The following COL6A3 variants were observed in gnomAD, a reference collection of about 807,000 sequenced individuals.
The protein encoded by COL6A3 is collagen type VI alpha 3 chain, also known as collagen alpha-3(VI) chain.
In COL6A3, 137 loss-of-function variants were observed where a neutral mutation model predicts 274.1. The ratio of observed to expected loss-of-function variants is 0.50; its 90% CI spans 0.44 to 0.58. The LOEUF is 0.58. COL6A3 is among the 20% of genes least tolerant of loss of function. COL6A3 has a pLI of 0.00. For synonymous variants in COL6A3, 1,650 were observed against 1,650.6 expected (o/e 1.00, Z 0.01); for missense variants, 3,950 against 4,124.9 (o/e 0.96, Z 1.16).
chr2:237,366,052 C>A lies in COL6A3; in HGVS notation c.5501-17G>T, dbSNP rs200723656. ...GATTACAAGCTGGAAAGGAGAAATG[C>A]AGGTGATGAGTTCTCAGCTGGGGCT... On this transcript the variant is annotated splice_polypyrimidine_tract_variant and intron_variant, in intron 11 of 43. Coordinates refer to ENST00000295550, the MANE Select transcript of COL6A3 (RefSeq NM_004369.4). 1 of 1,609,782 alleles carries A rather than the reference C, an allele frequency of 6.2e-7. No individual in the cohort carries two copies. Among genetic ancestry groups the A allele is most frequent in the Admixed American group, 1.7e-5 (1 of 60,010 alleles).
rs1191236212 is a variant in COL6A3 at position 237,344,419 on chromosome 2, G to C, written c.7599C>G (p.Leu2533=). The change falls in exon 36 of 44, where the codon CTC becomes CTG. Residue 2533 remains leucine, a synonymous_variant. Coordinates refer to ENST00000295550, the MANE Select transcript of COL6A3 (RefSeq NM_004369.4). The surrounding 1 kb of genome is among the most constrained non-coding windows in gnomAD (Gnocchi z 4.8). Reference sequence around the variant, plus strand: ...ACAAGGGGGTGATCCCCGCATCTGAGAGCTTGAGCACAGCCTCTCTGAGCT... The same window carrying C: ...ACAAGGGGGTGATCCCCGCATCTGACAGCTTGAGCACAGCCTCTCTGAGCT... The part of the protein sequence containing the change: ...SPQLREAVLK[L]SDAGITPLFL... The C allele has an allele frequency of 6.2e-7, 1 of 1,614,174 alleles. No individual in the cohort carries two copies. The highest frequency in any genetic ancestry group is 1.7e-5 in the Admixed American group (1 of 60,016).
rs13403733 is a variant in COL6A3 at position 237,332,688 on chromosome 2, A to G, written c.9328+762T>C. ...AAAACAGTATTATATCTAAATTCCC[A>G]TGGCATTTCCATTTTTTATGTTAGT... On this transcript the variant is annotated intron_variant, in intron 42 of 43. Transcript: ENST00000295550. Among the ~76,000 whole-genome samples the G allele has an allele frequency of 5.6e-3, 859 of 152,324 alleles. 8 individuals carry two copies. Among genetic ancestry groups the G allele is most frequent in the African/African-American group, 0.02 (836 of 41,576 alleles).
chr2:237,390,200 A>C (rs746716036), intron 3 of COL6A3, among the ~76,000 whole-genome samples: 169 of 152,212 alleles, frequency 1.1e-3, no homozygotes, highest in Non-Finnish European at 3.5e-4. Flanking sequence ...GGATAACACT[A>C]TTTCTTCTCC....
intron 7 of COL6A3, among the ~76,000 whole-genome samples, chr2:237,375,264 G>T (rs1251982646): frequency 5.3e-5 from 8 of 152,204 alleles, no homozygotes; most frequent in Admixed American, 3.3e-4. Flanking sequence ...GAGGGTCAGA[G>T]TTAGAGAGAA....
In COL6A3 at chr2:237,377,183, C is replaced by G; in HGVS notation, c.2659G>C (p.Glu887Gln). 1 of 1,614,166 alleles carries G rather than the reference C, an allele frequency of 6.2e-7. No individual in the cohort carries two copies. The highest frequency in any genetic ancestry group is 8.5e-7 in the Non-Finnish European group (1 of 1,180,028). ...VAQYSDDVKV[E>Q]SRFDEHQSKP... Reference sequence around the variant, plus strand: ...CTCTGGTGCTCATCAAAACGGGACTCCACCTTGACATCATCGCTGTACTGA... The same window carrying G: ...CTCTGGTGCTCATCAAAACGGGACTGCACCTTGACATCATCGCTGTACTGA... Residue 887 changes from glutamate to glutamine, a missense_variant, in exon 7 of 44, where the codon GAG (glutamate) becomes CAG (glutamine). Glu to Gln is a conservative substitution (Grantham distance 29). This residue lies in a region of COL6A3 where 1,934 missense variants were observed against 1,984.3 expected (regional missense o/e 0.97). Transcript: ENST00000295550.
chr2:237,350,048 G>T, intron 28 of COL6A3, 99 bp downstream of exon 28: 1 of 1,124,210 alleles, frequency 8.9e-7, no homozygotes. Context: ...AATAATACAA[G>T]AAGCAAGGCT....
In COL6A3 at chr2:237,407,199, A is replaced by G. The variant is rs1007894902; in HGVS notation, c.-31+6754T>C. ...TGTGCTGGGATTATAGGCATGAGCC[A>G]CTACACCTGGCCTTTGAATTTCTAT... On this transcript the variant is annotated intron_variant, in intron 1 of 43. Coordinates refer to ENST00000295550, the MANE Select transcript of COL6A3 (RefSeq NM_004369.4). This position sits in a 1 kb window ranked among gnomAD's most constrained non-coding sequence, Gnocchi z 4.3. Among the ~76,000 whole-genome samples, 21 of 152,146 alleles carry G rather than the reference A, an allele frequency of 1.4e-4. No homozygotes were observed. The highest frequency in any genetic ancestry group is 5.1e-4 in the African/African-American group (21 of 41,442).
At chr2:237,328,062 C>T (rs1700042442) in intron 42 of COL6A3, 1 of 152,160 alleles carries the variant, frequency 6.6e-6, no homozygotes, top group South Asian at 2.1e-4. Context: ...ATTTGCTCTT[C>T]TTTATTATTG....
intron 1 of COL6A3, among the ~76,000 whole-genome samples, chr2:237,408,310 T>C (rs10205682): frequency 0.43 from 66,028 of 152,086 alleles, 16,137 homozygotes; most frequent in East Asian, 0.65. Context: ...AGAAGGCTCC[T>C]TGCCTGTTGC....
intron 4 of COL6A3, among the ~76,000 whole-genome samples, chr2:237,384,679 G>T (rs550646980): frequency 2.6e-5 from 4 of 152,206 alleles, no homozygotes; most frequent in African/African-American, 9.6e-5. Context: ...TCTCATGGCT[G>T]TGCTCTCTGC....
chr2:237,389,001 C>A (rs2078222750), intron 3 of COL6A3, among the ~76,000 whole-genome samples: 2 of 152,194 alleles, frequency 1.3e-5, no homozygotes, highest in East Asian at 3.8e-4. Context: ...TGAAACCGGT[C>A]ATGACATAAT....
At position 237,374,771 on chromosome 2, in the gene COL6A3, T is replaced by G; in HGVS notation, c.3320A>C (p.Asn1107Thr). ...GACAAACTCCAGGGCGGCCCCGGTG[T>G]TGGGGGTCGGCCCTCCCAGCAGGGT... ...QLTLLGGPTP[N>T]TGAALEFVLR... Residue 1107 changes from asparagine (N) to threonine (T), a missense_variant, in exon 8 of 44, where the codon AAC (asparagine) becomes ACC (threonine). By Grantham distance (65) the Asn-to-Thr change is moderately conservative. Around this residue, in one of 5 missense-constraint regions of COL6A3, gnomAD observed 1,934 missense variants for 1,984.3 expected, o/e 0.97. Transcript: ENST00000295550. The surrounding 1 kb of genome is among the most constrained non-coding windows in gnomAD (Gnocchi z 4.8). 6.2e-7 allele frequency: 1 copy of G among 1,613,940 alleles called. No individual in the cohort carries two copies. Among genetic ancestry groups the G allele is most frequent in the South Asian group, 1.1e-5 (1 of 91,068 alleles).
chr2:237,395,805 G>C (rs559594884), intron 2 of COL6A3, among the ~76,000 whole-genome samples: 123 of 152,326 alleles, frequency 8.1e-4, no homozygotes, highest in Non-Finnish European at 1.6e-3. Context: ...TGAACAAACT[G>C]TACTCTATTA....
rs552146247 is a variant in COL6A3 at position 237,373,048 on chromosome 2, G to C, written c.3680-711C>G. Among the ~76,000 whole-genome samples the C allele has an allele frequency of 2.0e-5, 3 of 152,280 alleles. No individual in the cohort carries two copies. In the South Asian group the frequency reaches 6.2e-4, roughly 32 times the overall value. Reference sequence around the variant, plus strand: ...CTTTGGGTTTACTTGCATTTTCTTGGAGAAATAGGACTCAAGATTACCAGC... The same window carrying C: ...CTTTGGGTTTACTTGCATTTTCTTGCAGAAATAGGACTCAAGATTACCAGC... On this transcript the variant is annotated intron_variant, in intron 8 of 43. Coordinates refer to ENST00000295550, the MANE Select transcript of COL6A3 (RefSeq NM_004369.4).
chr2:237,381,254 C>A lies in COL6A3; in HGVS notation c.1558G>T (p.Gly520Cys). 1 of 1,614,230 alleles carries A rather than the reference C, an allele frequency of 6.2e-7. No homozygotes were observed. Among genetic ancestry groups the A allele is most frequent in the Non-Finnish European group, 8.5e-7 (1 of 1,180,038 alleles). The change falls in exon 5 of 44, where the codon GGC becomes TGC. Residue 520 changes from glycine (G) to cysteine (C), a missense_variant. Physicochemically the swap from Gly to Cys is radical, Grantham distance 159. Around this residue, in one of 5 missense-constraint regions of COL6A3, gnomAD observed 1,934 missense variants for 1,984.3 expected, o/e 0.97. Coordinates refer to ENST00000295550, the MANE Select transcript of COL6A3 (RefSeq NM_004369.4). Reference protein sequence around the residue: ...TAVRKMKPLDGSALYTGSALD... With the variant: ...TAVRKMKPLDCSALYTGSALD... Reference sequence around the variant, plus strand: ...GCAGAGCCCGTGTACAGGGCCGAGCCGTCCAGGGGCTTCATTTTCCGCACA... The same window carrying A: ...GCAGAGCCCGTGTACAGGGCCGAGCAGTCCAGGGGCTTCATTTTCCGCACA...
chr2:237,394,287 C>A (rs2078369046), intron 3 of COL6A3, among the ~76,000 whole-genome samples: 1 of 152,184 alleles, frequency 6.6e-6, no homozygotes, highest in African/African-American at 2.4e-5. Context: ...CACTCTGAGG[C>A]TTTCTTTTCT....
chr2:237,384,679 G>A (rs550646980), intron 4 of COL6A3, among the ~76,000 whole-genome samples: 1 of 152,206 alleles, frequency 6.6e-6, no homozygotes, highest in Non-Finnish European at 1.5e-5. Context: ...TCTCATGGCT[G>A]TGCTCTCTGC....
chr2:237,333,603 G>A lies in COL6A3; in HGVS notation c.9230-55C>T, dbSNP rs140488700. On this transcript the variant is annotated intron_variant, in intron 41 of 43. Transcript: ENST00000295550. The stretch of plus-strand genomic sequence containing the variant: ...GGTAAATCAGAAACAGGAGGGCTTG[G>A]GAATCCTTAGTGACTGATATAAGGT... 7.2e-5 allele frequency: 105 copies of A among 1,468,242 alleles called. 1 individual carries two copies. The East Asian group carries it at 2.0e-3, about 29-fold the overall frequency. The allele number at this position is 1,468,242 out of a possible 1,614,324, so 91.0% of individuals were successfully genotyped here.
At position 237,324,519 on chromosome 2, in the gene COL6A3, CA is replaced by C. The variant is rs1699828104; in HGVS notation, c.*254del. The C allele has an allele frequency of 2.1e-6, 1 of 480,932 alleles. No homozygotes were observed. Among genetic ancestry groups the C allele is most frequent in the Admixed American group, 3.2e-5 (1 of 31,350 alleles). 29.8% of individuals were successfully genotyped at this position (480,932 alleles called of 1,614,324 possible). ...TTGATAGGAATGTTCACATAAACAC[CA>C]GCAGTGGCTAACTGTTACACAACAT... On this transcript the variant is annotated 3_prime_UTR_variant, in exon 44 of 44. Transcript: ENST00000295550.
Sources: allele counts gnomAD v4.1 joint callset (sites outside exome capture counted in the v4.1 genomes callset), GRCh38; gene constraint gnomAD v4.1.1; regional missense constraint gnomAD v4.1.1; non-coding constraint Gnocchi (gnomAD v3.1); transcripts MANE v1.5; gene names NCBI Gene and HGNC (gene_info 2026-07-23, HGNC 2026-07-21).